The following BMPR1B variants were observed in gnomAD, a reference collection of about 807,000 sequenced individuals.
The protein encoded by BMPR1B is bone morphogenetic protein receptor type-1B.
A neutral mutation model predicts 59.1 loss-of-function variants in BMPR1B; 12 were observed. That is an observed-to-expected ratio of 0.20 (90% CI 0.13 to 0.33). The LOEUF (loss-of-function observed/expected upper bound fraction) is 0.33. Among genes scored for constraint, BMPR1B ranks in the 10% least tolerant of loss-of-function variants. The pLI is 1.00. For synonymous variants in BMPR1B, 237 were observed against 207.3 expected, an observed-to-expected ratio of 1.14 and a Z score of -1.23; for missense variants, 550 against 610.9, an observed-to-expected ratio of 0.90 and a Z score of 1.05.
At chr4:94,995,007 C>T (rs1186036866) in intron 2 of BMPR1B, among the ~76,000 whole-genome samples, 2 of 152,028 alleles carry the variant, frequency 1.3e-5, no homozygotes, top group Admixed American at 6.6e-5. Flanking sequence ...GTTTCCTTTA[C>T]CTTTGATTTA....
intron 3 of BMPR1B, among the ~76,000 whole-genome samples, chr4:95,050,299 G>A (rs749906445): frequency 2.0e-5 from 3 of 152,086 alleles, no homozygotes; most frequent in Middle Eastern, 3.2e-3. Context: ...TGTTTCTGAC[G>A]AGTAAGATGC....
At chr4:95,091,051 A>G (rs769230010) in intron 3 of BMPR1B, among the ~76,000 whole-genome samples, 2 of 152,122 alleles carry the variant, frequency 1.3e-5, no homozygotes, top group Non-Finnish European at 2.9e-5. Flanking sequence ...TTCTCTTAAG[A>G]TAAACTTAAG....
At chr4:94,777,124 AT>A (rs2110580624) in intron 1 of BMPR1B, among the ~76,000 whole-genome samples, 1 of 152,196 alleles carries the variant, frequency 6.6e-6, no homozygotes, top group Admixed American at 6.5e-5. Flanking sequence ...GTCCTTTAAT[AT>A]TTATATGAAA....
intron 10 of BMPR1B, among the ~76,000 whole-genome samples, chr4:95,141,603 G>A (rs915839375): frequency 6.6e-6 from 1 of 152,210 alleles, no homozygotes; most frequent in Non-Finnish European, 1.5e-5. Flanking sequence ...TCCAGGTGAT[G>A]TGCTGGCGGA....
At chr4:95,067,869 A>G (rs577445093) in intron 3 of BMPR1B, among the ~76,000 whole-genome samples, 1 of 152,316 alleles carries the variant, frequency 6.6e-6, no homozygotes, top group Admixed American at 6.5e-5. Flanking sequence ...TACAAAGAAT[A>G]CTTTGGGAAC....
At chr4:94,889,201 A>G (rs1727295963) in intron 2 of BMPR1B, among the ~76,000 whole-genome samples, 1 of 151,990 alleles carries the variant, frequency 6.6e-6, no homozygotes, top group African/African-American at 2.4e-5. Flanking sequence ...CTAAAAGGGA[A>G]CTTAATGGAG....
intron 1 of BMPR1B, among the ~76,000 whole-genome samples, chr4:94,797,297 G>A (rs1316298510): frequency 2.0e-5 from 3 of 152,188 alleles, no homozygotes; most frequent in Admixed American, 1.3e-4. Context: ...AATTCAATTT[G>A]AGATTTGGGT....
At chr4:95,141,846 G>A (rs1364599894) in intron 10 of BMPR1B, among the ~76,000 whole-genome samples, 2 of 152,172 alleles carry the variant, frequency 1.3e-5, no homozygotes, top group East Asian at 3.9e-4. Context: ...TCACACTGAT[G>A]TCCAGTGGAT....
chr4:94,783,552 C>G (rs1019237343), intron 1 of BMPR1B, among the ~76,000 whole-genome samples: 4 of 152,124 alleles, frequency 2.6e-5, no homozygotes, highest in Admixed American at 2.6e-4. Context: ...ATCTCTGAGC[C>G]ATTGATCTGG....
At position 94,929,162 on chromosome 4, in the gene BMPR1B, T is replaced by G. The variant is rs1027034127; in HGVS notation, c.-113+53262T>G. The stretch of plus-strand genomic sequence containing the variant: ...TAATCCAGTAAGTGTCCCACAGCAC[T>G]TCTCTTAATTTCCACTGAGATTTTG... On this transcript the variant is annotated intron_variant, in intron 2 of 12. Coordinates refer to ENST00000515059, the MANE Select transcript of BMPR1B (RefSeq NM_001203.3). Among the ~76,000 whole-genome samples the G allele has an allele frequency of 3.4e-4, 51 of 152,096 alleles. 1 individual carries two copies. Among genetic ancestry groups the G allele is most frequent in the African/African-American group, 1.2e-3 (49 of 41,440 alleles).
At chr4:94,790,931 T>C in intron 1 of BMPR1B, among the ~76,000 whole-genome samples, 1 of 152,178 alleles carries the variant, frequency 6.6e-6, no homozygotes, top group South Asian at 2.1e-4. Context: ...TTTTTGATAG[T>C]TTTATTGTGA....
chr4:94,889,582 C>T (rs761282227), intron 2 of BMPR1B, among the ~76,000 whole-genome samples: 1 of 152,172 alleles, frequency 6.6e-6, no homozygotes, highest in South Asian at 2.1e-4. Context: ...CGGAAGGGCT[C>T]ATTAGTTCTG....
Position 95,148,775 on chromosome 4 carries a change from T to C in BMPR1B, c.1104T>C (p.Pro368=). ...ATACAAATGAAGTTGACATACCACCTAACACTCGAGTTGGCACCAAACGCT... is the reference window on the plus strand; with the variant it reads ...ATACAAATGAAGTTGACATACCACCCAACACTCGAGTTGGCACCAAACGCT... ...ISDTNEVDIP[P]NTRVGTKRYM... is the part of the protein sequence containing the mutation. The change falls in exon 11 of 13, where the codon CCT becomes CCC. Residue 368 remains proline (P), a synonymous_variant. Coordinates refer to ENST00000515059, the MANE Select transcript of BMPR1B (RefSeq NM_001203.3). The C allele has an allele frequency of 6.2e-7, 1 of 1,614,020 alleles. No homozygotes were observed. The highest frequency in any genetic ancestry group is 8.5e-7 in the Non-Finnish European group (1 of 1,179,920).
intron 3 of BMPR1B, among the ~76,000 whole-genome samples, chr4:95,052,251 A>G (rs1461752024): frequency 6.6e-6 from 1 of 152,210 alleles, no homozygotes; most frequent in Non-Finnish European, 1.5e-5. Context: ...GTTTGTGACT[A>G]TGTCAAATGT....
intron 1 of BMPR1B, among the ~76,000 whole-genome samples, chr4:94,771,915 G>A (rs1433306835): frequency 5.9e-5 from 9 of 152,176 alleles, no homozygotes; most frequent in Admixed American, 5.2e-4. Context: ...TTTGAAGGAA[G>A]CACTGTGACA....
At chr4:94,808,958 G>T (rs968162962) in intron 1 of BMPR1B, among the ~76,000 whole-genome samples, 1 of 152,160 alleles carries the variant, frequency 6.6e-6, no homozygotes, top group Non-Finnish European at 1.5e-5. Context: ...GGGAGGCTGA[G>T]GCAGGAGAAT....
At chr4:94,967,356 A>G (rs1195442259) in intron 2 of BMPR1B, among the ~76,000 whole-genome samples, 1 of 152,156 alleles carries the variant, frequency 6.6e-6, no homozygotes, top group Non-Finnish European at 1.5e-5. Context: ...CCCTGTTGTT[A>G]GAGATTATTA....
At chr4:94,816,054 C>T (rs1723997659) in intron 1 of BMPR1B, among the ~76,000 whole-genome samples, 1 of 149,814 alleles carries the variant, frequency 6.7e-6, no homozygotes, top group Non-Finnish European at 1.5e-5. Context: ...TTGTTGTTTT[C>T]TCTTTCTTTT....
chr4:94,836,716 C>T (rs1462907925), intron 1 of BMPR1B, among the ~76,000 whole-genome samples: 1 of 146,990 alleles, frequency 6.8e-6, no homozygotes, highest in Non-Finnish European at 1.5e-5. Context: ...GTTGCCTGTT[C>T]ACTCTGATGG....
Sources: gnomAD v4.1 joint callset for allele counts (sites outside exome capture counted in the v4.1 genomes callset) on GRCh38, gnomAD v4.1.1 for gene constraint, MANE v1.5 for transcripts, NCBI Gene and HGNC (gene_info 2026-07-23, HGNC 2026-07-21) for gene names.